Variants in KIF26B observed in about 807,000 individuals in gnomAD.
The protein encoded by KIF26B is kinesin family member 26B, also known as kinesin-like protein KIF26B.
In KIF26B, 63 loss-of-function variants were observed where a neutral mutation model predicts 151.2. The observed-to-expected ratio is 0.42, with a 90% CI of 0.34 to 0.51. The LOEUF is 0.51. Ranked by LOEUF, KIF26B falls within the 20% of genes least tolerant of loss-of-function variation. The pLI is 0.07. For missense variants in KIF26B, 2,813 were observed against 2,913.6 expected (o/e 0.97, Z 0.79); for synonymous variants, 1,357 against 1,262.1 (o/e 1.08, Z -1.59).
Position 245,640,143 on chromosome 1 carries a change from C to CTCTCTCTCTCTATATATA in KIF26B, c.2099-5977_2099-5976insCTCTCTCTCTATATATAT. ...ATTTGCTCTCTCTCTCTCTCTCTCT[C>CTCTCTCTCTCTATATATA]TATATATATATATATATACCCTGCT... On this transcript the variant is annotated intron_variant, in intron 9 of 14. Transcript: ENST00000407071. 3.1e-4 allele frequency among the ~76,000 whole-genome samples: 10 copies of CTCTCTCTCTCTATATATA among 31,924 alleles called. 2 individuals carry two copies. Among genetic ancestry groups the CTCTCTCTCTCTATATATA allele is most frequent in the African/African-American group, 1.1e-3 (8 of 7,192 alleles). The allele number at this position is 31,924 out of a possible 152,430, so 20.9% of individuals were successfully genotyped here.
intron 11 of KIF26B, among the ~76,000 whole-genome samples, chr1:245,685,021 T>G (rs12404571): frequency 0.03 from 4,555 of 152,312 alleles, 188 homozygotes; most frequent in East Asian, 0.11. Flanking sequence ...GCTGCTGAGG[T>G]GGGGGCCTTT....
At position 245,609,478 on chromosome 1, in the gene KIF26B, G is replaced by T. The variant is rs531119042; in HGVS notation, c.1864G>T (p.Gly622Cys). 6.2e-7 allele frequency: 1 copy of T among 1,601,542 alleles called. No homozygotes were observed. The highest frequency in any genetic ancestry group is 8.5e-7 in the Non-Finnish European group (1 of 1,173,854). The part of the protein sequence containing the change: ...SEVATGSLQD[G>C]QSPGVYLCED... The stretch of plus-strand genomic sequence containing the variant: ...GGTGGCCACGGGCAGCCTGCAGGAC[G>T]GCCAGTCCCCGGGCGTGTACCTCTG... The change falls in exon 8 of 15, where the codon GGC becomes TGC. Residue 622 changes from glycine (G) to cysteine (C), a missense_variant. By Grantham distance (159) the Gly-to-Cys change is radical. Transcript: ENST00000407071.
intron 3 of KIF26B, among the ~76,000 whole-genome samples, chr1:245,376,997 C>A (rs1219542846): frequency 1.3e-5 from 2 of 150,714 alleles, no homozygotes; most frequent in African/African-American, 4.9e-5. Flanking sequence ...TCACTGCAAC[C>A]TCTGCCTCCT....
chr1:245,157,304 G>A (rs1042403357), intron 2 of KIF26B, among the ~76,000 whole-genome samples: 6 of 152,226 alleles, frequency 3.9e-5, no homozygotes, highest in Non-Finnish European at 7.3e-5. Context: ...CCCGCAGTGT[G>A]TGACTGGCCC....
chr1:245,344,049 TTTCC>T (rs1157377508), intron 2 of KIF26B, among the ~76,000 whole-genome samples: 2 of 151,742 alleles, frequency 1.3e-5, no homozygotes, highest in Admixed American at 6.6e-5. Context: ...TGTGATTTTT[TTTCC>T]TTCCTTCCCT....
intron 10 of KIF26B, among the ~76,000 whole-genome samples, chr1:245,662,476 A>C (rs1451205130): frequency 1.6e-4 from 3 of 18,360 alleles, no homozygotes; most frequent in African/African-American, 2.8e-4. Context: ...ATACATATAT[A>C]CACACACCCA....
intron 5 of KIF26B, among the ~76,000 whole-genome samples, chr1:245,575,025 C>T (rs375739014): frequency 2.0e-5 from 3 of 151,252 alleles, no homozygotes; most frequent in Non-Finnish European, 3.0e-5. Flanking sequence ...CCACCACACC[C>T]GGCTAATTTT....
intron 4 of KIF26B, among the ~76,000 whole-genome samples, chr1:245,427,904 T>G (rs1253570088): frequency 1.3e-5 from 2 of 152,128 alleles, no homozygotes; most frequent in Non-Finnish European, 2.9e-5. Context: ...GGGGCCAACA[T>G]GCATAATTGT....
At position 245,540,753 on chromosome 1, in the gene KIF26B, T is replaced by C; in HGVS notation, c.1167-14T>C. On this transcript the variant is annotated splice_polypyrimidine_tract_variant and intron_variant, in intron 4 of 14. Transcript: ENST00000407071. The surrounding 1 kb of genome is among the most constrained non-coding windows in gnomAD (Gnocchi z 4.6). ...ACAATCATTTTCCCCTTATTGTTCC[T>C]TTTTCCACTCCAGAGCTGCCCAGAA... 6.2e-7 allele frequency: 1 copy of C among 1,607,966 alleles called. No homozygotes were observed.
chr1:245,374,935 C>T (rs991933280), intron 3 of KIF26B, among the ~76,000 whole-genome samples: 4 of 152,044 alleles, frequency 2.6e-5, no homozygotes, highest in South Asian at 2.1e-4. Flanking sequence ...TCAATCTGGG[C>T]GTTTGCTTGG....
chr1:245,690,083 TC>T (rs924796738), intron 12 of KIF26B, among the ~76,000 whole-genome samples: 13 of 152,012 alleles, frequency 8.6e-5, no homozygotes, highest in African/African-American at 2.9e-4. Context: ...AGGCAAAAGT[TC>T]CCAAGAACAA....
chr1:245,390,799 A>AT (rs1345177018), intron 3 of KIF26B, among the ~76,000 whole-genome samples: 1 of 151,838 alleles, frequency 6.6e-6, no homozygotes, highest in East Asian at 1.9e-4. Flanking sequence ...TAATCATAAA[A>AT]TTTTGGCCTA....
At chr1:245,387,250 T>C (rs1002357617) in intron 3 of KIF26B, among the ~76,000 whole-genome samples, 1 of 151,014 alleles carries the variant, frequency 6.6e-6, no homozygotes, top group African/African-American at 2.4e-5. Context: ...CTGCAACCTC[T>C]GCCTCCCCAG....
At position 245,705,270 on chromosome 1, in the gene KIF26B, T is replaced by C. The variant is rs2044826059; in HGVS notation, c.*2664T>C. 1 of 152,190 alleles carries C rather than the reference T, an allele frequency of 6.6e-6. No individual in the cohort carries two copies. Among genetic ancestry groups the C allele is most frequent in the South Asian group, 2.1e-4 (1 of 4,826 alleles). The allele number at this position is 152,190 out of a possible 1,614,324, so 9.4% of individuals were successfully genotyped here. A position where few individuals can be genotyped will look rare whatever the true frequency, so the allele number is the denominator to read the frequency against. On this transcript the variant is annotated 3_prime_UTR_variant, in exon 15 of 15. Transcript: ENST00000407071. ...GTTGATGTTGTCCATTCTCTCTCTC[T>C]TCTCTTTGCTTTTTTTTGACCTAAA...
At position 245,167,930 on chromosome 1, in the gene KIF26B, C is replaced by G. The variant is rs1668641003; in HGVS notation, c.465+11247C>G. On this transcript the variant is annotated intron_variant, in intron 2 of 14. Coordinates refer to ENST00000407071, the MANE Select transcript of KIF26B (RefSeq NM_018012.4). The surrounding 1 kb of genome is among the most constrained non-coding windows in gnomAD (Gnocchi z 4.2). ...ACAAAGAAATGGGTGGTATACGCAT[C>G]CAAGGTTGTCTACAATCCCAGATAT... Among the ~76,000 whole-genome samples, 1 of 152,060 alleles carries G rather than the reference C, an allele frequency of 6.6e-6. No homozygotes were observed. Among genetic ancestry groups the G allele is most frequent in the African/African-American group, 2.4e-5 (1 of 41,402 alleles).
chr1:245,698,874 G>C lies in KIF26B; in HGVS notation c.6028-13G>C. ...AGCAGAAGGGCCCTTTCTCCTCTCTGTCTGTGTGCTAGGAGGCCATGTGCT... is the reference window on the plus strand; with the variant it reads ...AGCAGAAGGGCCCTTTCTCCTCTCTCTCTGTGTGCTAGGAGGCCATGTGCT... On this transcript the variant is annotated splice_polypyrimidine_tract_variant and intron_variant, in intron 13 of 14. Transcript: ENST00000407071. This position sits in a 1 kb window ranked among gnomAD's most constrained non-coding sequence, Gnocchi z 4.0. 1 of 1,611,476 alleles carries C rather than the reference G, an allele frequency of 6.2e-7. No individual in the cohort carries two copies.
intron 4 of KIF26B, among the ~76,000 whole-genome samples, chr1:245,430,248 G>A (rs1253517215): frequency 6.6e-6 from 1 of 151,818 alleles, no homozygotes; most frequent in African/African-American, 2.4e-5. Context: ...ATGAGGAGAG[G>A]ATGCAATTTT....
At chr1:245,640,777 G>T (rs1324704233) in intron 9 of KIF26B, among the ~76,000 whole-genome samples, 2 of 151,914 alleles carry the variant, frequency 1.3e-5, no homozygotes, top group African/African-American at 2.4e-5. Context: ...TGTAGCAGAA[G>T]AAAAGAAACA....
chr1:245,335,310 T>C (rs932374183), intron 2 of KIF26B, among the ~76,000 whole-genome samples: 19 of 152,214 alleles, frequency 1.2e-4, no homozygotes, highest in African/African-American at 4.6e-4. Context: ...CTTTTTGGCT[T>C]TGCCTTGTCC....
Sources: gnomAD v4.1 joint callset for allele counts (sites outside exome capture counted in the v4.1 genomes callset) on GRCh38, gnomAD v4.1.1 for gene constraint, Gnocchi (gnomAD v3.1) non-coding constraint, MANE v1.5 for transcripts, NCBI Gene and HGNC (gene_info 2026-07-23, HGNC 2026-07-21) for gene names.